Variants in AUTS2 observed in about 807,000 individuals in gnomAD.
AUTS2 encodes the protein autism susceptibility gene 2 protein.
In AUTS2, 17 loss-of-function variants were observed where a neutral mutation model predicts 112.4. The observed-to-expected ratio is 0.15, with a 90% CI of 0.10 to 0.23. AUTS2 has a LOEUF of 0.23. Ranked by LOEUF, AUTS2 falls within the 10% of genes least tolerant of loss-of-function variation. The pLI is 1.00. For missense variants in AUTS2, 1,510 were observed against 1,701.6 expected (o/e 0.89, Z 1.98); for synonymous variants, 751 against 702.7 (o/e 1.07, Z -1.09).
chr7:70,384,970 A>G (rs1236472881), intron 4 of AUTS2, among the ~76,000 whole-genome samples: 5 of 152,178 alleles, frequency 3.3e-5, no homozygotes, highest in African/African-American at 9.7e-5. Context: ...TATAGTGGGT[A>G]AAGTCTGGCA....
intron 6 of AUTS2, among the ~76,000 whole-genome samples, chr7:70,746,714 A>G (rs1788477705): frequency 6.6e-6 from 1 of 151,840 alleles, no homozygotes; most frequent in African/African-American, 2.4e-5. Context: ...GCTGAAGGAG[A>G]GGGAGAGGGG....
At chr7:70,136,874 A>C (rs1298177969) in intron 4 of AUTS2, among the ~76,000 whole-genome samples, 2 of 152,128 alleles carry the variant, frequency 1.3e-5, no homozygotes, top group Non-Finnish European at 2.9e-5. Flanking sequence ...CTTTGTTTCT[A>C]TTTAGAGCTT....
At chr7:70,529,493 C>T (rs892689081) in intron 5 of AUTS2, among the ~76,000 whole-genome samples, 9 of 152,144 alleles carry the variant, frequency 5.9e-5, no homozygotes, top group African/African-American at 2.2e-4. Context: ...GTATTCAGAC[C>T]CTCTGCTCTT....
At chr7:70,232,135 C>T (rs1222794690) in intron 4 of AUTS2, among the ~76,000 whole-genome samples, 15 of 152,094 alleles carry the variant, frequency 9.9e-5, no homozygotes, top group Admixed American at 5.2e-4. Flanking sequence ...TCCTCTTTTT[C>T]CTCTAGCTTC....
chr7:69,749,341 C>G (rs1180428301), intron 1 of AUTS2, among the ~76,000 whole-genome samples: 1 of 152,168 alleles, frequency 6.6e-6, no homozygotes, highest in Non-Finnish European at 1.5e-5. Context: ...CAACCACTAC[C>G]ACAGTCAGTT....
At chr7:69,724,560 C>G (rs1786409756) in intron 1 of AUTS2, among the ~76,000 whole-genome samples, 1 of 152,136 alleles carries the variant, frequency 6.6e-6, no homozygotes, top group Admixed American at 6.6e-5. Context: ...GCACAGAAAG[C>G]AAAATTACTG....
chr7:70,381,463 C>T (rs960476957), intron 4 of AUTS2, among the ~76,000 whole-genome samples: 22 of 152,090 alleles, frequency 1.4e-4, no homozygotes, highest in Non-Finnish European at 2.5e-4. Context: ...TGAGAAAGTA[C>T]AACATTAAGC....
intron 1 of AUTS2, among the ~76,000 whole-genome samples, chr7:69,650,328 G>A (rs1463256331): frequency 1.3e-5 from 2 of 152,154 alleles, no homozygotes; most frequent in East Asian, 1.9e-4. Flanking sequence ...TTAAAGCATC[G>A]TTACATTTTA....
chr7:70,289,466 T>C (rs7781401), intron 4 of AUTS2, among the ~76,000 whole-genome samples: 46,341 of 152,076 alleles, frequency 0.3, 7,338 homozygotes, highest in African/African-American at 0.38. Context: ...GTCCTATGGG[T>C]TGCTGCTTCT....
intron 4 of AUTS2, among the ~76,000 whole-genome samples, chr7:70,320,132 A>G (rs1790184566): frequency 6.6e-6 from 1 of 152,208 alleles, no homozygotes; most frequent in African/African-American, 2.4e-5. Context: ...GAACTATAAT[A>G]TATGCAGTTA....
At chr7:70,143,714 G>C (rs1249020170) in intron 4 of AUTS2, among the ~76,000 whole-genome samples, 1 of 152,144 alleles carries the variant, frequency 6.6e-6, no homozygotes, top group African/African-American at 2.4e-5. Flanking sequence ...GATTGTGGCT[G>C]TTTTCAAGTA....
intron 6 of AUTS2, among the ~76,000 whole-genome samples, chr7:70,725,915 G>A (rs1348316428): frequency 2.6e-5 from 4 of 151,866 alleles, no homozygotes; most frequent in Admixed American, 6.6e-5. Context: ...CCAGCTACTC[G>A]GGAGGCTGAG....
At chr7:70,218,279 C>A (rs994649269) in intron 4 of AUTS2, among the ~76,000 whole-genome samples, 1 of 152,180 alleles carries the variant, frequency 6.6e-6, no homozygotes, top group Non-Finnish European at 1.5e-5. Context: ...TGGATGACAT[C>A]TTACTTTTTT....
chr7:69,664,209 G>A (rs1795929833), intron 1 of AUTS2, among the ~76,000 whole-genome samples: 1 of 152,062 alleles, frequency 6.6e-6, no homozygotes, highest in South Asian at 2.1e-4. Flanking sequence ...ACAGCACATG[G>A]CATCATTATC....
At chr7:69,955,817 C>G (rs1406066277) in intron 2 of AUTS2, among the ~76,000 whole-genome samples, 1 of 152,116 alleles carries the variant, frequency 6.6e-6, no homozygotes, top group Non-Finnish European at 1.5e-5. Context: ...CCTAGCTCGA[C>G]ACACACATTC....
chr7:70,088,070 G>A (rs537158309), intron 2 of AUTS2, among the ~76,000 whole-genome samples: 8 of 151,202 alleles, frequency 5.3e-5, no homozygotes, highest in South Asian at 2.1e-4. Flanking sequence ...GTGGCTAGAG[G>A]TCTGTAAGTT....
At chr7:70,287,783 C>G (rs1206542131) in intron 4 of AUTS2, among the ~76,000 whole-genome samples, 1 of 150,980 alleles carries the variant, frequency 6.6e-6, no homozygotes, top group Non-Finnish European at 1.5e-5. Flanking sequence ...GAGAGCGAAC[C>G]CACAAGAGAT....
At chr7:70,643,017 A>AT (rs567938689) in intron 5 of AUTS2, among the ~76,000 whole-genome samples, 2 of 152,060 alleles carry the variant, frequency 1.3e-5, no homozygotes, top group African/African-American at 4.8e-5. Context: ...TTGATTTTTG[A>AT]TTTTTTAAAT....
chr7:70,376,160 T>C (rs1160614068), intron 4 of AUTS2, among the ~76,000 whole-genome samples: 1 of 152,170 alleles, frequency 6.6e-6, no homozygotes. Context: ...TGTATCCAGT[T>C]ATTTATAGGA....
Sources: allele counts gnomAD v4.1 joint callset (sites outside exome capture counted in the v4.1 genomes callset), GRCh38; gene constraint gnomAD v4.1.1; transcripts MANE v1.5; gene names NCBI Gene and HGNC (gene_info 2026-07-23, HGNC 2026-07-21).